Variants in PCDH15 observed in about 807,000 individuals in gnomAD.
The protein encoded by PCDH15 is protocadherin related 15, also known as protocadherin-15.
PCDH15 carries 129 observed loss-of-function variants against 178.5 expected under a neutral mutation model. That is an observed-to-expected ratio of 0.72 (90% CI 0.63 to 0.84). The LOEUF (loss-of-function observed/expected upper bound fraction) is 0.84, where lower values mean the gene tolerates loss of function less well. Among genes scored for constraint, PCDH15 ranks in the 40% least tolerant of loss-of-function variants. The pLI is 0.00. For missense variants in PCDH15, 2,230 were observed against 2,099.9 expected, an observed-to-expected ratio of 1.06 and a Z score of -1.21; for synonymous variants, 800 against 732.0, an observed-to-expected ratio of 1.09 and a Z score of -1.50.
intron 2 of PCDH15, among the ~76,000 whole-genome samples, chr10:55,585,546 G>A (rs535532038): frequency 8.7e-4 from 133 of 152,084 alleles, no homozygotes; most frequent in Non-Finnish European, 1.3e-3. Flanking sequence ...GCATGGTGGC[G>A]GGCGCCTGTA....
intron 2 of PCDH15, among the ~76,000 whole-genome samples, chr10:55,380,496 A>G (rs1837507783): frequency 6.6e-6 from 1 of 152,194 alleles, no homozygotes; most frequent in Non-Finnish European, 1.5e-5. Context: ...AAGATAGTGC[A>G]AAAAGCAAAT....
At chr10:54,425,282 G>A (rs1956133161) in intron 3 of PCDH15, among the ~76,000 whole-genome samples, 1 of 152,144 alleles carries the variant, frequency 6.6e-6, no homozygotes, top group Non-Finnish European at 1.5e-5. Flanking sequence ...GTGGATTAAT[G>A]GGTTATCTTG....
At chr10:54,784,635 A>T in intron 1 of PCDH15, among the ~76,000 whole-genome samples, 1 of 149,750 alleles carries the variant, frequency 6.7e-6, no homozygotes, top group African/African-American at 2.5e-5. Flanking sequence ...AAGCAAACAG[A>T]TGATATCTAA....
At position 53,805,926 on chromosome 10, in the gene PCDH15, TA is replaced by T. The variant is rs1841121369; in HGVS notation, c.*652del. The T allele has an allele frequency of 6.6e-6, 1 of 152,102 alleles. No homozygotes were observed. Among genetic ancestry groups the T allele is most frequent in the East Asian group, 1.9e-4 (1 of 5,198 alleles). 9.4% of individuals were successfully genotyped at this position (152,102 alleles called of 1,614,324 possible). A position where few individuals can be genotyped will look rare whatever the true frequency, so the allele number is the denominator to read the frequency against. ...AAGAGAATATTGTAAATAATATTGATAAAAAGACATACGACTTCAAGTGGTT... is the reference window on the plus strand; with the variant it reads ...AAGAGAATATTGTAAATAATATTGATAAAAGACATACGACTTCAAGTGGTT... On this transcript the variant is annotated 3_prime_UTR_variant, in exon 38 of 38. Transcript: ENST00000644397.
chr10:55,594,786 G>A (rs1026662621), intron 2 of PCDH15, among the ~76,000 whole-genome samples: 6 of 151,992 alleles, frequency 3.9e-5, no homozygotes, highest in African/African-American at 1.2e-4. Context: ...GGAAATTTAA[G>A]AAGACAATTC....
rs762677779 is a variant in PCDH15, at chr10:53,938,869, C to A, written c.3319G>T (p.Val1107Phe). The change falls in exon 25 of 38, where the codon GTC becomes TTC. Residue 1107 changes from valine to phenylalanine, a missense_variant. Val to Phe is a conservative substitution (Grantham distance 50). Transcript: ENST00000644397. ...ACCACTTCCAGGGAATCAGCTTGGA[C>A]TCGAAGTACATAGCTTGTCCTGGTC... The part of the protein sequence containing the change: ...YETRTSYVLR[V>F]QADSLEVVLA... The A allele has an allele frequency of 1.1e-5, 18 of 1,613,502 alleles. No individual in the cohort carries two copies. Among genetic ancestry groups the A allele is most frequent in the Non-Finnish European group, 1.5e-5 (18 of 1,179,648 alleles).
intron 25 of PCDH15, among the ~76,000 whole-genome samples, chr10:53,910,427 T>C (rs943931134): frequency 6.6e-6 from 1 of 152,040 alleles, no homozygotes; most frequent in Admixed American, 6.6e-5. Flanking sequence ...GACCTGACTG[T>C]TAGAAGGAAA....
At chr10:53,936,371 ATTGTT>A (rs2085574620) in intron 25 of PCDH15, among the ~76,000 whole-genome samples, 1 of 152,126 alleles carries the variant, frequency 6.6e-6, no homozygotes, top group African/African-American at 2.4e-5. Context: ...TGATATTTTA[ATTGTT>A]TTAAGAGTCC....
At chr10:54,720,684 G>A (rs11004493) in intron 1 of PCDH15, among the ~76,000 whole-genome samples, 18,502 of 151,844 alleles carry the variant, frequency 0.12, 1,248 homozygotes, top group African/African-American at 0.17. Flanking sequence ...ATGCAACAAG[G>A]TTTAACTATC....
intron 8 of PCDH15, among the ~76,000 whole-genome samples, chr10:54,252,438 TCTC>T (rs1266937439): frequency 1.3e-5 from 2 of 152,174 alleles, no homozygotes; most frequent in Non-Finnish European, 2.9e-5. Flanking sequence ...GGCAAAGCCT[TCTC>T]CTCTAACTTT....
At chr10:53,902,650 T>C (rs1439962948) in intron 26 of PCDH15, among the ~76,000 whole-genome samples, 1 of 152,100 alleles carries the variant, frequency 6.6e-6, no homozygotes, top group Non-Finnish European at 1.5e-5. Context: ...TAAGAGTAAT[T>C]AGTAATAAAC....
At chr10:54,044,784 A>C (rs2093624930) in intron 18 of PCDH15, among the ~76,000 whole-genome samples, 1 of 152,184 alleles carries the variant, frequency 6.6e-6, no homozygotes, top group Non-Finnish European at 1.5e-5. Flanking sequence ...CATCAAAATC[A>C]GGTAAACTAA....
chr10:55,466,275 A>T (rs1351111713), intron 2 of PCDH15, among the ~76,000 whole-genome samples: 1 of 152,206 alleles, frequency 6.6e-6, no homozygotes, highest in East Asian at 1.9e-4. Flanking sequence ...AAAACCTATC[A>T]ATAATCTATC....
At chr10:53,853,553 ACTC>A (rs2078533279) in intron 28 of PCDH15, among the ~76,000 whole-genome samples, 1 of 152,016 alleles carries the variant, frequency 6.6e-6, no homozygotes, top group African/African-American at 2.4e-5. Flanking sequence ...TATCTAAACA[ACTC>A]CTACAACTAA....
intron 2 of PCDH15, among the ~76,000 whole-genome samples, chr10:55,460,627 A>G (rs1381482309): frequency 6.6e-6 from 1 of 152,084 alleles, no homozygotes; most frequent in Non-Finnish European, 1.5e-5. Flanking sequence ...AGTTGTTGCA[A>G]TAATTATTTT....
chr10:55,616,094 C>G (rs1444659473), intron 2 of PCDH15, among the ~76,000 whole-genome samples: 2 of 152,150 alleles, frequency 1.3e-5, no homozygotes, highest in Admixed American at 6.5e-5. Context: ...TGCAGCCCAC[C>G]ATTACCATGC....
intron 2 of PCDH15, among the ~76,000 whole-genome samples, chr10:55,108,201 T>C (rs923346453): frequency 5.3e-5 from 8 of 152,130 alleles, no homozygotes; most frequent in African/African-American, 1.9e-4. Context: ...TCAATGTTTG[T>C]TGGTTAGGCT....
chr10:55,472,798 G>T (rs1029565328), intron 2 of PCDH15, among the ~76,000 whole-genome samples: 1 of 152,122 alleles, frequency 6.6e-6, no homozygotes, highest in Non-Finnish European at 1.5e-5. Flanking sequence ...TCCATCTCCT[G>T]ACCTCGTGAT....
At chr10:54,584,586 C>A (rs1390722410) in intron 2 of PCDH15, among the ~76,000 whole-genome samples, 1 of 152,042 alleles carries the variant, frequency 6.6e-6, no homozygotes, top group Admixed American at 6.6e-5. Flanking sequence ...CTTTCTTTTA[C>A]TCCTTACTGG....
Sources: gnomAD v4.1 joint callset for allele counts (sites outside exome capture counted in the v4.1 genomes callset) on GRCh38, gnomAD v4.1.1 for gene constraint, MANE v1.5 for transcripts, NCBI Gene and HGNC (gene_info 2026-07-23, HGNC 2026-07-21) for gene names.